The following RFTN2 variants were observed in gnomAD, a reference collection of about 807,000 sequenced individuals.
RFTN2 encodes raftlin-2.
A neutral mutation model predicts 52.7 loss-of-function variants in RFTN2; 34 were observed. The observed-to-expected ratio is 0.64, with a 90% CI of 0.49 to 0.86. The LOEUF is 0.86. Among genes scored for constraint, RFTN2 ranks in the 40% least tolerant of loss-of-function variants. The pLI is 0.00. For missense variants in RFTN2, 536 were observed against 600.1 expected, an observed-to-expected ratio of 0.89 and a Z score of 1.12; for synonymous variants, 203 against 217.7, an observed-to-expected ratio of 0.93 and a Z score of 0.59.
chr2:197,625,600 C>T (rs1192515115), intron 5 of RFTN2, among the ~76,000 whole-genome samples: 2 of 151,720 alleles, frequency 1.3e-5, no homozygotes, highest in African/African-American at 4.8e-5. Context: ...TAACAGCCTC[C>T]CCACCACACT....
intron 7 of RFTN2, among the ~76,000 whole-genome samples, chr2:197,611,406 G>A (rs748781037): frequency 4.6e-5 from 7 of 152,168 alleles, no homozygotes; most frequent in Non-Finnish European, 7.3e-5. Flanking sequence ...GCATAGAGGC[G>A]TTTATAGTAT....
rs142261943 is a variant in RFTN2 at position 197,653,289 on chromosome 2, G to A, written c.140-6623C>T. On this transcript the variant is annotated intron_variant, in intron 1 of 8. Transcript: ENST00000295049. ...TAGAGACATTCAGTAACAAGCTGGA[G>A]TACATTCAAAAGAAAGTGCTCAGGA... 1.2e-3 allele frequency among the ~76,000 whole-genome samples: 184 copies of A among 151,238 alleles called. 1 individual carries two copies. The highest frequency in any genetic ancestry group is 4.3e-3 in the African/African-American group (176 of 41,116).
In RFTN2 at chr2:197,569,204, C is replaced by T. The variant is rs2087278197; in HGVS notation, c.*2804G>A. On this transcript the variant is annotated 3_prime_UTR_variant, in exon 9 of 9. Coordinates refer to ENST00000295049, the MANE Select transcript of RFTN2 (RefSeq NM_144629.3). ...CACCAAGGGGAATGGCAGATCTTCA[C>T]CCAACATCTGGGATCTTGATACCTT... The T allele has an allele frequency of 6.6e-6, 1 of 152,168 alleles. No individual in the cohort carries two copies. Among genetic ancestry groups the T allele is most frequent in the Admixed American group, 6.5e-5 (1 of 15,274 alleles). 9.4% of individuals were successfully genotyped at this position (152,168 alleles called of 1,614,324 possible).
At chr2:197,618,061 C>CCCCCCT (rs2088176158) in intron 5 of RFTN2, 140 bp from the exon 6 acceptor site, 1 of 421,300 alleles carries the variant, frequency 2.4e-6, no homozygotes, top group African/African-American at 2.5e-5. Context: ...CCTCCCCCTC[C>CCCCCCT]CCCTCTCCCT....
intron 1 of RFTN2, among the ~76,000 whole-genome samples, chr2:197,663,461 G>C (rs1265309257): frequency 6.6e-6 from 1 of 152,136 alleles, no homozygotes; most frequent in Non-Finnish European, 1.5e-5. Flanking sequence ...AATCTGTCCA[G>C]TTTCTTTGTT....
intron 1 of RFTN2, among the ~76,000 whole-genome samples, chr2:197,663,859 G>A (rs2089012286): frequency 1.3e-5 from 2 of 151,528 alleles, no homozygotes; most frequent in South Asian, 2.1e-4. Flanking sequence ...GGTTTGTTTT[G>A]CTTTTCTAGT....
chr2:197,592,201 A>C (rs186962676), intron 8 of RFTN2, among the ~76,000 whole-genome samples: 1 of 152,074 alleles, frequency 6.6e-6, no homozygotes, highest in East Asian at 1.9e-4. Flanking sequence ...ACAAGAGAAA[A>C]ATTTTTTTTT....
Position 197,571,883 on chromosome 2 carries a change from A to G in RFTN2, c.*125T>C, listed in dbSNP as rs1264765013. On this transcript the variant is annotated 3_prime_UTR_variant, in exon 9 of 9. Transcript: ENST00000295049. ...TTGTGCCAAAGTTTACATAGATTAG[A>G]GGAAAGGCTGGGTCTGGAAAAATTC... 6 of 901,136 alleles carry G rather than the reference A, an allele frequency of 6.7e-6. No individual in the cohort carries two copies. Among genetic ancestry groups the G allele is most frequent in the Non-Finnish European group, 1.0e-5 (6 of 590,740 alleles). The allele number at this position is 901,136 out of a possible 1,614,324, so 55.8% of individuals were successfully genotyped here. A position where few individuals can be genotyped will look rare whatever the true frequency, so the allele number is the denominator to read the frequency against.
At chr2:197,665,517 C>CTTTCTTTTTTTTTTT (rs373197868) in intron 1 of RFTN2, among the ~76,000 whole-genome samples, 1 of 41,496 alleles carries the variant, frequency 2.4e-5, no homozygotes, top group African/African-American at 1.4e-4. Context: ...TGTACCTTGC[C>CTTTCTTTTTTTTTTT]TTTTTTTTTT....
intron 8 of RFTN2, among the ~76,000 whole-genome samples, chr2:197,586,314 C>A (rs2087597586): frequency 6.6e-6 from 1 of 152,144 alleles, no homozygotes; most frequent in Admixed American, 6.5e-5. Flanking sequence ...CCCCTCTAAG[C>A]AGTTACCCTA....
At chr2:197,635,868 T>C (rs1456627083) in intron 3 of RFTN2, among the ~76,000 whole-genome samples, 1 of 143,148 alleles carries the variant, frequency 7.0e-6, no homozygotes. Context: ...TTTATGGTTT[T>C]AGGTCTAATG....
chr2:197,629,696 A>ACACACACCCACACACC (rs1325493901), intron 5 of RFTN2, among the ~76,000 whole-genome samples: 1 of 134,556 alleles, frequency 7.4e-6, no homozygotes, highest in African/African-American at 2.6e-5. Context: ...ACACACACAC[A>ACACACACCCACACACC]CACATATTTA....
intron 1 of RFTN2, among the ~76,000 whole-genome samples, chr2:197,663,271 A>G (rs1450506576): frequency 6.6e-6 from 1 of 152,154 alleles, no homozygotes; most frequent in Admixed American, 6.6e-5. Flanking sequence ...TTTTGCATCT[A>G]TATTCATCAG....
intron 1 of RFTN2, among the ~76,000 whole-genome samples, chr2:197,646,886 C>G (rs541442290): frequency 4.1e-5 from 3 of 72,942 alleles, no homozygotes; most frequent in Non-Finnish European, 7.2e-5. Context: ...CATAGTAGGA[C>G]ATTGTCTCTA....
chr2:197,589,130 C>T (rs976126606), intron 8 of RFTN2, among the ~76,000 whole-genome samples: 6 of 136,340 alleles, frequency 4.4e-5, no homozygotes, highest in African/African-American at 1.1e-4. Context: ...CTGAGGCAGG[C>T]AGAATTGCTT....
chr2:197,670,553 T>C (rs528257335), intron 1 of RFTN2, among the ~76,000 whole-genome samples: 2 of 150,632 alleles, frequency 1.3e-5, no homozygotes, highest in Admixed American at 1.3e-4. Context: ...GGCACATGTG[T>C]AGTCCCAGCT....
chr2:197,581,845 T>G (rs943743055), intron 8 of RFTN2, among the ~76,000 whole-genome samples: 4 of 152,186 alleles, frequency 2.6e-5, no homozygotes, highest in Non-Finnish European at 5.9e-5. Flanking sequence ...TACCTGGTTT[T>G]GCCATCCTAA....
At position 197,574,870 on chromosome 2, in the gene RFTN2, A is replaced by AAAACAAAC. The variant is rs79026014; in HGVS notation, c.1234-2598_1234-2591dup. Reference sequence around the variant, plus strand: ...GCAACAAGAGAAAGACTCCATCTCAAAAACAAACAAACAAACAAACAAACA... The same window carrying AAAACAAAC: ...GCAACAAGAGAAAGACTCCATCTCAAAAACAAACAAACAAACAAACAAACAAACAAACA... On this transcript the variant is annotated intron_variant, in intron 8 of 8. Transcript: ENST00000295049. Among the ~76,000 whole-genome samples the AAAACAAAC allele has an allele frequency of 1.5e-4, 23 of 150,618 alleles. No homozygotes were observed. The South Asian group carries it at 3.2e-3, about 21-fold the overall frequency.
intron 8 of RFTN2, among the ~76,000 whole-genome samples, chr2:197,590,507 C>A (rs775466775): frequency 3.3e-5 from 5 of 152,214 alleles, no homozygotes; most frequent in Non-Finnish European, 7.3e-5. Flanking sequence ...TTTCCTCCCC[C>A]ACAACAAGGG....
Sources: gnomAD v4.1 joint callset for allele counts (sites outside exome capture counted in the v4.1 genomes callset) on GRCh38, gnomAD v4.1.1 for gene constraint, MANE v1.5 for transcripts, NCBI Gene and HGNC (gene_info 2026-07-23, HGNC 2026-07-21) for gene names.